The following DENND4A variants were observed in gnomAD, a reference collection of about 807,000 sequenced individuals.
The protein encoded by DENND4A is C-myc promoter-binding protein.
In DENND4A, 70 loss-of-function variants were observed where a neutral mutation model predicts 199.3. The observed-to-expected ratio is 0.35, with a 90% CI of 0.29 to 0.43. The LOEUF (loss-of-function observed/expected upper bound fraction) is 0.43. Ranked by LOEUF, DENND4A falls within the 20% of genes least tolerant of loss-of-function variation. DENND4A has a pLI of 1.00. For missense variants in DENND4A, 1,723 were observed against 2,255.8 expected, an observed-to-expected ratio of 0.76 and a Z score of 4.78; for synonymous variants, 686 against 766.9, an observed-to-expected ratio of 0.89 and a Z score of 1.74.
chr15:65,667,321 T>C (rs1269847926), intron 29 of DENND4A, 128 bp downstream of exon 29: 1 of 1,127,496 alleles, frequency 8.9e-7, no homozygotes, highest in Non-Finnish European at 1.2e-6. Flanking sequence ...AGAGTGAGAC[T>C]ACGTCTCAAA....
intron 9 of DENND4A, chr15:65,731,413 T>C (rs774587169): frequency 3.8e-5 from 21 of 548,502 alleles, no homozygotes; most frequent in Non-Finnish European, 7.4e-5. Flanking sequence ...ACTTACACAA[T>C]AGTAGGTATT....
At chr15:65,676,915 A>G (rs567684407) in intron 23 of DENND4A, among the ~76,000 whole-genome samples, 1 of 152,256 alleles carries the variant, frequency 6.6e-6, no homozygotes, top group South Asian at 2.1e-4. Context: ...TTTATTGATA[A>G]TTTTCCTCTC....
chr15:65,779,191 C>G (rs1379641588), intron 1 of DENND4A, among the ~76,000 whole-genome samples: 1 of 152,136 alleles, frequency 6.6e-6, no homozygotes, highest in Non-Finnish European at 1.5e-5. Context: ...CGCAGTGGCT[C>G]ACACCTGTAA....
At chr15:65,713,665 TA>T (rs1190106073) in intron 14 of DENND4A, among the ~76,000 whole-genome samples, 2 of 152,262 alleles carry the variant, frequency 1.3e-5, no homozygotes, top group Non-Finnish European at 2.9e-5. Flanking sequence ...CAAATTGTCC[TA>T]GATTTGCCTG....
chr15:65,718,603 G>A (rs2075490227), intron 12 of DENND4A, among the ~76,000 whole-genome samples: 1 of 151,842 alleles, frequency 6.6e-6, no homozygotes, highest in Non-Finnish European at 1.5e-5. Flanking sequence ...AATAAAAAAG[G>A]AACATAAACC....
At position 65,715,601 on chromosome 15, in the gene DENND4A, C is replaced by T; in HGVS notation, c.1830G>A (p.Arg610=). Residue 610 remains arginine (R), a synonymous_variant, in exon 14 of 33, where the codon CGG becomes CGA. Transcript: ENST00000443035. ...ALQAFLRSRD[R]SHQKFYNMMT... is the part of the protein sequence containing the mutation. ...TCATGTTATAGAATTTTTGATGTGA[C>T]CGGTCCCGGCTTCTTAAGAAAGCTG... The T allele has an allele frequency of 1.3e-6, 2 of 1,572,798 alleles. No individual in the cohort carries two copies. Among genetic ancestry groups the T allele is most frequent in the Non-Finnish European group, 1.7e-6 (2 of 1,159,666 alleles).
intron 1 of DENND4A, among the ~76,000 whole-genome samples, chr15:65,789,784 GA>G (rs1357259841): frequency 6.6e-6 from 1 of 152,190 alleles, no homozygotes; most frequent in African/African-American, 2.4e-5. Flanking sequence ...AGAATGCTTT[GA>G]AAAATTCTGC....
At chr15:65,747,234 T>G (rs1018365541) in intron 4 of DENND4A, among the ~76,000 whole-genome samples, 1 of 152,184 alleles carries the variant, frequency 6.6e-6, no homozygotes, top group African/African-American at 2.4e-5. Context: ...TCTTCACAAA[T>G]TTTTGCAATT....
intron 23 of DENND4A, among the ~76,000 whole-genome samples, chr15:65,685,329 T>C (rs988944801): frequency 6.6e-6 from 1 of 152,194 alleles, no homozygotes; most frequent in African/African-American, 2.4e-5. Flanking sequence ...GGTTTCACTG[T>C]GTTAGCCAGG....
intron 13 of DENND4A, among the ~76,000 whole-genome samples, chr15:65,716,984 T>C (rs2075427216): frequency 6.6e-6 from 1 of 152,218 alleles, no homozygotes; most frequent in Non-Finnish European, 1.5e-5. Flanking sequence ...ATTTGCATTG[T>C]CTGGCTAATT....
chr15:65,724,586 G>A lies in DENND4A; in HGVS notation c.1488-1638C>T, dbSNP rs2075749125. Among the ~76,000 whole-genome samples, 4 of 152,052 alleles carry A rather than the reference G, an allele frequency of 2.6e-5. No homozygotes were observed. The South Asian group carries it at 6.2e-4, about 24-fold the overall frequency. ...AAAAGGGCAAATATCACTTTGAAAAGTAAACAAAGAAAAAAGAGTGGGATA... is the reference window on the plus strand; with the variant it reads ...AAAAGGGCAAATATCACTTTGAAAAATAAACAAAGAAAAAAGAGTGGGATA... On this transcript the variant is annotated intron_variant, in intron 11 of 32. Coordinates refer to ENST00000443035, the MANE Select transcript of DENND4A (RefSeq NM_001320835.1).
chr15:65,748,322 G>T (rs939826339), intron 4 of DENND4A, among the ~76,000 whole-genome samples: 1 of 151,700 alleles, frequency 6.6e-6, no homozygotes, highest in African/African-American at 2.4e-5. Flanking sequence ...AAAATAAAAA[G>T]AAATTAAATT....
chr15:65,705,300 T>C (rs746983957), intron 15 of DENND4A, among the ~76,000 whole-genome samples: 8 of 152,202 alleles, frequency 5.3e-5, no homozygotes, highest in Non-Finnish European at 1.0e-4. Context: ...CATGATTCAA[T>C]GGGTGATAGA....
At chr15:65,738,139 T>G (rs1244684282) in intron 6 of DENND4A, among the ~76,000 whole-genome samples, 194 bp from the exon 7 acceptor site, 1 of 152,212 alleles carries the variant, frequency 6.6e-6, no homozygotes, top group Admixed American at 6.5e-5. Flanking sequence ...TCATGTTACC[T>G]TACTACTGAA....
chr15:65,685,276 G>A (rs2076730589), intron 23 of DENND4A, among the ~76,000 whole-genome samples: 2 of 152,096 alleles, frequency 1.3e-5, no homozygotes, highest in South Asian at 4.2e-4. Context: ...ACAGGCGCCT[G>A]GCACCGTGCC....
At chr15:65,705,286 A>C (rs1202367851) in intron 15 of DENND4A, among the ~76,000 whole-genome samples, 1 of 152,224 alleles carries the variant, frequency 6.6e-6, no homozygotes, top group Non-Finnish European at 1.5e-5. Context: ...TGAAAATAAC[A>C]AACCATGATT....
chr15:65,792,206 T>G lies in DENND4A; in HGVS notation c.-298A>C, dbSNP rs1000398530. ...GCCTGCCGTCTCAGTCAGACGGGAC[T>G]CCCCCTCCCCTCGCGGCCGCCACTG... On this transcript the variant is annotated 5_prime_UTR_variant, in exon 1 of 33. Transcript: ENST00000443035. The G allele has an allele frequency of 9.8e-6, 1 of 102,428 alleles. No individual in the cohort carries two copies. Among genetic ancestry groups the G allele is most frequent in the Non-Finnish European group, 1.9e-5 (1 of 52,060 alleles). 6.3% of individuals were successfully genotyped at this position (102,428 alleles called of 1,614,324 possible). A position where few individuals can be genotyped will look rare whatever the true frequency, so the allele number is the denominator to read the frequency against.
Position 65,731,709 on chromosome 15 carries a change from A to G in DENND4A, c.1108-9T>C, listed in dbSNP as rs754522924. The G allele has an allele frequency of 6.5e-7, 1 of 1,541,178 alleles. No individual in the cohort carries two copies. Among genetic ancestry groups the G allele is most frequent in the South Asian group, 1.2e-5 (1 of 81,468 alleles). On this transcript the variant is annotated splice_polypyrimidine_tract_variant and intron_variant, in intron 8 of 32. Transcript: ENST00000443035. ...TTATCATGTGGTGATAACTGGAAGA[A>G]GATTTAAAATAAAGAATTTGAAACA...
At chr15:65,742,988 G>A (rs531340037) in intron 4 of DENND4A, among the ~76,000 whole-genome samples, 1 of 152,246 alleles carries the variant, frequency 6.6e-6, no homozygotes, top group African/African-American at 2.4e-5. Context: ...ACATGAAGAA[G>A]TGTAATGTCA....
Sources: allele counts gnomAD v4.1 joint callset (sites outside exome capture counted in the v4.1 genomes callset), GRCh38; gene constraint gnomAD v4.1.1; transcripts MANE v1.5; gene names NCBI Gene and HGNC (gene_info 2026-07-23, HGNC 2026-07-21).